Variants in DACH1 observed in about 807,000 individuals in gnomAD.
DACH1 encodes the protein dachshund family transcription factor 1.
Under a neutral mutation model 54.2 loss-of-function variants are expected in DACH1, and 12 were observed. The observed-to-expected ratio is 0.22, with a 90% CI of 0.14 to 0.36. The LOEUF (loss-of-function observed/expected upper bound fraction) is 0.36. Ranked by LOEUF, DACH1 falls within the 10% of genes least tolerant of loss-of-function variation. The probability of loss-of-function intolerance (pLI) is 1.00; values close to 1 mark genes in which losing one functional copy is unlikely to be tolerated. For synonymous variants in DACH1, 386 were observed against 366.2 expected (o/e 1.05, Z -0.62); for missense variants, 805 against 929.8 (o/e 0.87, Z 1.75).
At chr13:71,787,305 A>C (rs1271358721) in intron 1 of DACH1, among the ~76,000 whole-genome samples, 1 of 152,214 alleles carries the variant, frequency 6.6e-6, no homozygotes, top group Admixed American at 6.5e-5. Flanking sequence ...ACAGCTGGCA[A>C]ATAAAGTCTA....
chr13:71,526,656 T>C (rs1881980061), intron 6 of DACH1, among the ~76,000 whole-genome samples: 1 of 151,648 alleles, frequency 6.6e-6, no homozygotes, highest in African/African-American at 2.4e-5. Context: ...AATGCAATCA[T>C]TTTGAAGTAA....
chr13:71,519,258 G>A (rs1451628791), intron 6 of DACH1, among the ~76,000 whole-genome samples: 1 of 151,812 alleles, frequency 6.6e-6, no homozygotes, highest in Non-Finnish European at 1.5e-5. Context: ...TGAGCTGATA[G>A]CATTATTTCA....
chr13:71,777,574 A>T (rs1886116740), intron 1 of DACH1, among the ~76,000 whole-genome samples: 1 of 152,114 alleles, frequency 6.6e-6, no homozygotes. Context: ...ATATAATTAT[A>T]TTGGCAGTGA....
chr13:71,749,427 G>C (rs540754590), intron 1 of DACH1, among the ~76,000 whole-genome samples: 179 of 151,870 alleles, frequency 1.2e-3, no homozygotes, highest in Admixed American at 4.1e-3. Context: ...TTTTTTGAGG[G>C]GGGGGCATTT....
intron 1 of DACH1, among the ~76,000 whole-genome samples, chr13:71,822,876 C>T (rs973238484): frequency 1.3e-5 from 2 of 151,346 alleles, no homozygotes; most frequent in East Asian, 1.9e-4. Context: ...CAGTTCTCCA[C>T]AATGAAAAAA....
At chr13:71,494,616 T>C (rs1044480092) in intron 6 of DACH1, among the ~76,000 whole-genome samples, 1 of 152,094 alleles carries the variant, frequency 6.6e-6, no homozygotes, top group Non-Finnish European at 1.5e-5. Context: ...AAGTTAAGAA[T>C]TATTTGTTTT....
chr13:71,746,949 C>T (rs1884625544), intron 1 of DACH1, among the ~76,000 whole-genome samples: 1 of 152,086 alleles, frequency 6.6e-6, no homozygotes, highest in African/African-American at 2.4e-5. Flanking sequence ...TGTATTAACA[C>T]ATATGTATAT....
At chr13:71,781,358 A>C (rs1379286685) in intron 1 of DACH1, among the ~76,000 whole-genome samples, 9 of 145,228 alleles carry the variant, frequency 6.2e-5, no homozygotes, top group Non-Finnish European at 1.4e-4. Context: ...TTATTTATTT[A>C]TTTATTTATT....
chr13:71,709,338 C>T (rs1046461222), intron 1 of DACH1, among the ~76,000 whole-genome samples: 1 of 152,102 alleles, frequency 6.6e-6, no homozygotes, highest in Admixed American at 6.5e-5. Flanking sequence ...CTGCCAACCA[C>T]AGTCCAAAAA....
At chr13:71,527,945 T>C (rs1401909687) in intron 6 of DACH1, among the ~76,000 whole-genome samples, 2 of 152,088 alleles carry the variant, frequency 1.3e-5, no homozygotes, top group African/African-American at 4.8e-5. Flanking sequence ...AAAGAATCCC[T>C]TAACTCTTAG....
chr13:71,566,582 C>T (rs1441041538), intron 4 of DACH1, among the ~76,000 whole-genome samples: 1 of 152,058 alleles, frequency 6.6e-6, no homozygotes, highest in African/African-American at 2.4e-5. Context: ...TTAAAAACAT[C>T]AGTTCCCCCC....
At chr13:71,571,336 C>T (rs944776226) in intron 4 of DACH1, among the ~76,000 whole-genome samples, 7 of 152,104 alleles carry the variant, frequency 4.6e-5, no homozygotes, top group African/African-American at 1.4e-4. Context: ...CGCCAAACTC[C>T]TCTTCTAGAT....
At chr13:71,593,613 C>T (rs1873885168) in intron 3 of DACH1, among the ~76,000 whole-genome samples, 1 of 151,830 alleles carries the variant, frequency 6.6e-6, no homozygotes. Context: ...GAATGTTATC[C>T]ATTTTAAAAT....
At chr13:71,822,346 T>C (rs1888225331) in intron 1 of DACH1, among the ~76,000 whole-genome samples, 1 of 152,222 alleles carries the variant, frequency 6.6e-6, no homozygotes, top group Admixed American at 6.5e-5. Flanking sequence ...ACCTTTAATA[T>C]AGTAAAAGTA....
At chr13:71,465,821 A>T (rs1354218251) in intron 10 of DACH1, among the ~76,000 whole-genome samples, 2 of 152,154 alleles carry the variant, frequency 1.3e-5, no homozygotes, top group East Asian at 3.9e-4. Context: ...AGTAAAAAGT[A>T]TCATCGGTAC....
intron 1 of DACH1, among the ~76,000 whole-genome samples, chr13:71,708,543 G>C (rs1882554762): frequency 6.6e-6 from 1 of 151,990 alleles, no homozygotes; most frequent in Non-Finnish European, 1.5e-5. Flanking sequence ...ATATCAAACT[G>C]CTACCCTTTC....
intron 1 of DACH1, among the ~76,000 whole-genome samples, chr13:71,811,190 G>A (rs1477288786): frequency 6.6e-6 from 1 of 151,956 alleles, no homozygotes; most frequent in Non-Finnish European, 1.5e-5. Context: ...TTAGATTATA[G>A]ATTCCTTTGA....
At chr13:71,760,289 G>A (rs1365456304) in intron 1 of DACH1, among the ~76,000 whole-genome samples, 1 of 152,172 alleles carries the variant, frequency 6.6e-6, no homozygotes, top group Non-Finnish European at 1.5e-5. Flanking sequence ...ATGGGAAAGC[G>A]AGAGGCGAAT....
At chr13:71,679,056 T>C (rs140387750) in intron 2 of DACH1, among the ~76,000 whole-genome samples, 1 of 152,258 alleles carries the variant, frequency 6.6e-6, no homozygotes, top group African/African-American at 2.4e-5. Flanking sequence ...TTCGATATAA[T>C]GCTTAGCTTG....
Sources: gnomAD v4.1 joint callset for allele counts (sites outside exome capture counted in the v4.1 genomes callset) on GRCh38, gnomAD v4.1.1 for gene constraint, MANE v1.5 for transcripts, NCBI Gene and HGNC (gene_info 2026-07-23, HGNC 2026-07-21) for gene names.